EPB41L4B: variants seen among roughly 807,000 people sequenced by gnomAD.
EPB41L4B encodes band 4.1-like protein 4B.
Under a neutral mutation model 112.5 loss-of-function variants are expected in EPB41L4B, and 30 were observed. The observed-to-expected ratio is 0.27, with a 90% CI of 0.20 to 0.36. The LOEUF (loss-of-function observed/expected upper bound fraction) is 0.36, where lower values mean the gene tolerates loss of function less well. Ranked by LOEUF, EPB41L4B falls within the 10% of genes least tolerant of loss-of-function variation. The pLI is 1.00. For synonymous variants in EPB41L4B, 408 were observed against 439.7 expected (o/e 0.93, Z 0.90); for missense variants, 1,024 against 1,133.3 (o/e 0.90, Z 1.38).
chr9:109,297,376 G>C (rs1836772238), intron 1 of EPB41L4B, among the ~76,000 whole-genome samples: 1 of 152,176 alleles, frequency 6.6e-6, no homozygotes, highest in Non-Finnish European at 1.5e-5. Context: ...CAAGAGACAA[G>C]AACACAGGCT....
chr9:109,235,248 T>A (rs2118926436), intron 15 of EPB41L4B, among the ~76,000 whole-genome samples: 1 of 152,302 alleles, frequency 6.6e-6, no homozygotes. Context: ...TTTGTTAGTT[T>A]CAAAGAGACA....
chr9:109,216,881 G>A, intron 16 of EPB41L4B, 41 bp downstream of exon 16: 1 of 1,585,956 alleles, frequency 6.3e-7, no homozygotes, highest in Non-Finnish European at 8.7e-7. Context: ...CTGCAGCATT[G>A]CTCCCCCTTC....
At chr9:109,213,544 T>C (rs1833254466) in intron 17 of EPB41L4B, among the ~76,000 whole-genome samples, 156 bp downstream of exon 17, 2 of 152,066 alleles carry the variant, frequency 1.3e-5, no homozygotes, top group African/African-American at 4.8e-5. Context: ...AAATATTTGC[T>C]CCTAAAAGAC....
Position 109,255,577 on chromosome 9 carries a change from C to T in EPB41L4B, c.1103G>A (p.Arg368Gln), listed in dbSNP as rs193240478. The T allele has an allele frequency of 5.6e-5, 90 of 1,614,164 alleles. No homozygotes were observed. Among genetic ancestry groups the T allele is most frequent in the South Asian group, 3.2e-4 (29 of 91,078 alleles). The change falls in exon 11 of 26, where the codon CGG (arginine) becomes CAG (glutamine). Residue 368 changes from arginine (R) to glutamine (Q), a missense_variant. Physicochemically the swap from Arg to Gln is conservative, Grantham distance 43. Coordinates refer to ENST00000374566, the MANE Select transcript of EPB41L4B (RefSeq NM_019114.5). ...AVEHHAFFRLRTPGNSKSNRS... is the reference protein window; with the variant it reads ...AVEHHAFFRLQTPGNSKSNRS... ...ATTGGATTTGCTGTTTCCTGGCGTC[C>T]GCAGTCGGAAGAATGCGTGGTGCTC...
chr9:109,177,544 G>A lies in EPB41L4B; in HGVS notation c.2488-848C>T, dbSNP rs563553630. Among the ~76,000 whole-genome samples, 17 of 152,222 alleles carry A rather than the reference G, an allele frequency of 1.1e-4. No individual in the cohort carries two copies. The South Asian group carries it at 3.3e-3, about 30-fold the overall frequency. On this transcript the variant is annotated intron_variant, in intron 24 of 25. Transcript: ENST00000374566. ...AAGATATATAAAAGTAGATCAGGCCGGGCACGGTGGCTCACACCTGTAATC... is the reference window on the plus strand; with the variant it reads ...AAGATATATAAAAGTAGATCAGGCCAGGCACGGTGGCTCACACCTGTAATC...
At chr9:109,231,102 T>C (rs1030674456) in intron 15 of EPB41L4B, among the ~76,000 whole-genome samples, 13 of 147,066 alleles carry the variant, frequency 8.8e-5, no homozygotes, top group South Asian at 8.5e-4. Context: ...GAGGTTGCAG[T>C]GAGCCAAGAT....
At chr9:109,221,739 A>C (rs1833579456) in intron 15 of EPB41L4B, among the ~76,000 whole-genome samples, 1 of 152,248 alleles carries the variant, frequency 6.6e-6, no homozygotes, top group African/African-American at 2.4e-5. Flanking sequence ...ATCGACCATC[A>C]CGTGGGTAAC....
At chr9:109,233,092 C>T (rs1174870973) in intron 15 of EPB41L4B, among the ~76,000 whole-genome samples, 4 of 152,084 alleles carry the variant, frequency 2.6e-5, no homozygotes, top group Non-Finnish European at 2.9e-5. Flanking sequence ...CAGTAGGGGA[C>T]GATTAGGAGG....
rs374007435 is a variant in EPB41L4B at position 109,255,563 on chromosome 9, T to C, written c.1117A>G (p.Ser373Gly). The C allele has an allele frequency of 6.2e-7, 1 of 1,614,134 alleles. No homozygotes were observed. The highest frequency in any genetic ancestry group is 1.3e-5 in the African/African-American group (1 of 74,946). ...ATAAAGTCGGATCTATTGGATTTGC[T>C]GTTTCCTGGCGTCCGCAGTCGGAAG... The part of the protein sequence containing the change: ...AFFRLRTPGN[S>G]KSNRSDFIRL... The change falls in exon 11 of 26, where the codon AGC (serine) becomes GGC (glycine). Residue 373 changes from serine (S) to glycine (G), a missense_variant. Transcript: ENST00000374566.
intron 13 of EPB41L4B, among the ~76,000 whole-genome samples, chr9:109,251,018 T>C (rs2119006007): frequency 6.6e-6 from 1 of 152,380 alleles, no homozygotes; most frequent in Non-Finnish European, 1.5e-5. Context: ...CTGGCAATTT[T>C]CACTCTTGTG....
At chr9:109,184,675 ACTAT>A (rs1402648066) in intron 23 of EPB41L4B, among the ~76,000 whole-genome samples, 5 of 152,270 alleles carry the variant, frequency 3.3e-5, no homozygotes, top group African/African-American at 1.2e-4. Context: ...TTCTGATGGC[ACTAT>A]CTGTTAGCAC....
At chr9:109,224,177 A>T (rs1185650747) in intron 15 of EPB41L4B, among the ~76,000 whole-genome samples, 1 of 152,224 alleles carries the variant, frequency 6.6e-6, no homozygotes, top group Non-Finnish European at 1.5e-5. Flanking sequence ...TGACTGAGCA[A>T]GCCCACTTCT....
At chr9:109,204,734 C>T (rs996827582) in intron 18 of EPB41L4B, among the ~76,000 whole-genome samples, 5 of 152,104 alleles carry the variant, frequency 3.3e-5, no homozygotes, top group South Asian at 2.1e-4. Flanking sequence ...TGGGCTCAAG[C>T]GATCTGCCCA....
At chr9:109,290,360 T>C (rs1171102088) in intron 1 of EPB41L4B, among the ~76,000 whole-genome samples, 1 of 152,198 alleles carries the variant, frequency 6.6e-6, no homozygotes, top group African/African-American at 2.4e-5. Context: ...AGGAATAACA[T>C]GGTGTGCTCT....
At chr9:109,308,867 C>T (rs1402847254) in intron 1 of EPB41L4B, among the ~76,000 whole-genome samples, 2 of 152,168 alleles carry the variant, frequency 1.3e-5, no homozygotes, top group Non-Finnish European at 2.9e-5. Context: ...CGCTTGAAGT[C>T]AGGATATCAA....
intron 1 of EPB41L4B, among the ~76,000 whole-genome samples, chr9:109,295,224 T>C (rs1226284801): frequency 6.6e-6 from 1 of 152,174 alleles, no homozygotes; most frequent in Non-Finnish European, 1.5e-5. Flanking sequence ...CACGTCCTTT[T>C]ACAGCAAGAA....
intron 2 of EPB41L4B, among the ~76,000 whole-genome samples, chr9:109,275,131 T>A (rs970826404): frequency 4.6e-5 from 7 of 152,108 alleles, no homozygotes; most frequent in African/African-American, 1.7e-4. Flanking sequence ...TAAAAATAGG[T>A]GATATCAATA....
intron 11 of EPB41L4B, 105 bp downstream of exon 11, chr9:109,255,406 C>G: frequency 3.6e-6 from 5 of 1,381,834 alleles, no homozygotes; most frequent in Non-Finnish European, 4.9e-6. Context: ...GACACACAAC[C>G]TAAGTTTCTG....
At position 109,224,746 on chromosome 9, in the gene EPB41L4B, G is replaced by A. The variant is rs549953396; in HGVS notation, c.1410-7601C>T. Reference sequence around the variant, plus strand: ...GGTTTTGAAAAGTATCAATGCCCAGGCCCTTCCCCAGACTAATTACATCAT... The same window carrying A: ...GGTTTTGAAAAGTATCAATGCCCAGACCCTTCCCCAGACTAATTACATCAT... On this transcript the variant is annotated intron_variant, in intron 15 of 25. Transcript: ENST00000374566. Among the ~76,000 whole-genome samples the A allele has an allele frequency of 1.4e-4, 21 of 152,286 alleles. No individual in the cohort carries two copies. The South Asian group carries it at 4.1e-3, about 30-fold the overall frequency.
Sources: allele counts gnomAD v4.1 joint callset (sites outside exome capture counted in the v4.1 genomes callset), GRCh38; gene constraint gnomAD v4.1.1; transcripts MANE v1.5; gene names NCBI Gene and HGNC (gene_info 2026-07-23, HGNC 2026-07-21).